Variants in LARP6 observed in about 807,000 individuals in gnomAD.
The protein encoded by LARP6 is La ribonucleoprotein 6, translational regulator.
Under a neutral mutation model 32.8 loss-of-function variants are expected in LARP6, and 18 were observed. The observed-to-expected ratio is 0.55, with a 90% CI of 0.38 to 0.81. The LOEUF is 0.81. LARP6 is among the 40% of genes least tolerant of loss of function. LARP6 has a pLI of 0.00. For missense variants in LARP6, 598 were observed against 663.1 expected, an observed-to-expected ratio of 0.90 and a Z score of 1.08; for synonymous variants, 289 against 267.2, an observed-to-expected ratio of 1.08 and a Z score of -0.80.
chr15:70,834,322 G>A (rs1056749550), intron 2 of LARP6, among the ~76,000 whole-genome samples: 1 of 152,124 alleles, frequency 6.6e-6, no homozygotes, highest in Non-Finnish European at 1.5e-5. Context: ...AGAAGAACAC[G>A]GGTCCAAGGG....
intron 1 of LARP6, among the ~76,000 whole-genome samples, chr15:70,843,649 C>CTT (rs67996815): frequency 0.026 from 2,125 of 80,678 alleles, no homozygotes; most frequent in East Asian, 0.032. Flanking sequence ...GTTTTGGTGT[C>CTT]TTTTTTTTTT....
intron 1 of LARP6, among the ~76,000 whole-genome samples, chr15:70,837,346 G>C (rs2032166125): frequency 6.6e-6 from 1 of 152,128 alleles, no homozygotes; most frequent in African/African-American, 2.4e-5. Context: ...TTGCACCACT[G>C]TACCCCAGAC....
chr15:70,842,589 C>T (rs1334962062), intron 1 of LARP6, among the ~76,000 whole-genome samples: 1 of 152,176 alleles, frequency 6.6e-6, no homozygotes, highest in Non-Finnish European at 1.5e-5. Flanking sequence ...CACAATCTAA[C>T]TTCTCACCTT....
intron 1 of LARP6, chr15:70,851,816 G>C: frequency 6.3e-7 from 1 of 1,578,540 alleles, no homozygotes; most frequent in Non-Finnish European, 8.6e-7. Flanking sequence ...AGGAAACACA[G>C]CCAGCTCTGG....
intron 1 of LARP6, among the ~76,000 whole-genome samples, chr15:70,838,893 T>C (rs2032197301): frequency 7.7e-6 from 1 of 130,298 alleles, no homozygotes; most frequent in East Asian, 2.4e-4. Context: ...AACAAAATTT[T>C]CACTGGCTCT....
In LARP6 at chr15:70,833,012, G is replaced by A. The variant is rs767552044; in HGVS notation, c.516C>T (p.Pro172=). ...EDHRKVRRTT[P]VPLFPNENLP... ...GGTTCTCGTTGGGGAACAGTGGGAC[G>A]GGGGTGGTCCTCCTCACCTTCCGGT... is the stretch of plus-strand genomic sequence containing the variant. Residue 172 remains proline (P), a synonymous_variant, in exon 3 of 3, where the codon CCC becomes CCT. Transcript: ENST00000299213. 81 of 1,613,354 alleles carry A rather than the reference G, an allele frequency of 5.0e-5. No homozygotes were observed. Among genetic ancestry groups the A allele is most frequent in the Middle Eastern group, 4.9e-4 (3 of 6,078 alleles).
intron 1 of LARP6, among the ~76,000 whole-genome samples, chr15:70,839,745 G>A (rs1210085003): frequency 6.6e-6 from 1 of 152,120 alleles, no homozygotes; most frequent in South Asian, 2.1e-4. Flanking sequence ...ACCACGCCCG[G>A]CTTTAATTGC....
rs760354354 is a variant in LARP6 at position 70,853,945 on chromosome 15, C to G, written c.144G>C (p.Arg48=). Residue 48 remains arginine, a synonymous_variant, in exon 1 of 3, where the codon CGG becomes CGC. Transcript: ENST00000299213. The part of the protein sequence containing the change: ...AETRGAGDPA[R]YLSPGWGSAS... ...CGCTGCCCCAGCCGGGGCTGAGGTACCGGGCCGGGTCCCCGGCGCCCCGAG... is the reference window on the plus strand; with the variant it reads ...CGCTGCCCCAGCCGGGGCTGAGGTAGCGGGCCGGGTCCCCGGCGCCCCGAG... The G allele has an allele frequency of 3.8e-5, 55 of 1,446,042 alleles. No homozygotes were observed. The African/African-American group carries it at 7.7e-4, about 20-fold the overall frequency. 89.6% of individuals were successfully genotyped at this position (1,446,042 alleles called of 1,614,324 possible).
At chr15:70,844,281 C>T (rs555452053) in intron 1 of LARP6, among the ~76,000 whole-genome samples, 1 of 152,238 alleles carries the variant, frequency 6.6e-6, no homozygotes, top group East Asian at 1.9e-4. Flanking sequence ...AAATAATATA[C>T]TTTAAGTGGT....
chr15:70,851,145 G>A (rs1386455776), intron 1 of LARP6, among the ~76,000 whole-genome samples: 1 of 152,156 alleles, frequency 6.6e-6, no homozygotes, highest in African/African-American at 2.4e-5. Flanking sequence ...AATAGTGTTA[G>A]GGCTTTATAG....
chr15:70,851,414 A>T, intron 1 of LARP6: 1 of 1,189,510 alleles, frequency 8.4e-7, no homozygotes, highest in African/African-American at 1.5e-5. Context: ...ATGTGGGGAG[A>T]TGATCAATAA....
At chr15:70,848,674 G>A (rs1481013253) in intron 1 of LARP6, among the ~76,000 whole-genome samples, 2 of 152,120 alleles carry the variant, frequency 1.3e-5, no homozygotes, top group Non-Finnish European at 2.9e-5. Flanking sequence ...GGAGGTTGCA[G>A]TGAGCCAAGA....
chr15:70,841,105 G>C (rs2032248856), intron 1 of LARP6, among the ~76,000 whole-genome samples: 1 of 151,602 alleles, frequency 6.6e-6, no homozygotes, highest in African/African-American at 2.4e-5. Flanking sequence ...AGTAGATACA[G>C]GGTTTCACCG....
In LARP6 at chr15:70,829,641, G is replaced by A. The variant is rs1358468102; in HGVS notation, c.*2411C>T. ...AGGAACATCTTCTTGTTATCCACTGGTTTGTGGGAAGAACTGTGAACCAAT... is the reference window on the plus strand; with the variant it reads ...AGGAACATCTTCTTGTTATCCACTGATTTGTGGGAAGAACTGTGAACCAAT... On this transcript the variant is annotated 3_prime_UTR_variant, in exon 3 of 3. Transcript: ENST00000299213. 6.6e-6 allele frequency: 1 copy of A among 152,182 alleles called. No individual in the cohort carries two copies. Among genetic ancestry groups the A allele is most frequent in the Admixed American group, 6.6e-5 (1 of 15,262 alleles). 9.4% of individuals were successfully genotyped at this position (152,182 alleles called of 1,614,324 possible).
chr15:70,852,449 T>G, intron 1 of LARP6: 1 of 269,946 alleles, frequency 3.7e-6, no homozygotes, highest in Non-Finnish European at 7.5e-6. Context: ...GCTTTAATCC[T>G]GGCTAATGAT....
rs533455010 is a variant in LARP6, at chr15:70,851,432, G to C, written c.200+2457C>G. The stretch of plus-strand genomic sequence containing the variant: ...TGGGGAGATGATCAATAACATTTTA[G>C]AGGCTGTAAAGACTTTTCTTTATTG... On this transcript the variant is annotated intron_variant, in intron 1 of 2. Transcript: ENST00000299213. 6.4e-6 allele frequency: 8 copies of C among 1,244,850 alleles called. No individual in the cohort carries two copies. The African/African-American group carries it at 9.0e-5, about 14-fold the overall frequency. 77.1% of individuals were successfully genotyped at this position (1,244,850 alleles called of 1,614,324 possible).
At chr15:70,853,113 A>G (rs1438909239) in intron 1 of LARP6, 1 of 152,226 alleles carries the variant, frequency 6.6e-6, no homozygotes, top group Non-Finnish European at 1.5e-5. Context: ...GGGCCTGGGC[A>G]TTAGTGGACA....
intron 1 of LARP6, among the ~76,000 whole-genome samples, chr15:70,839,948 G>T (rs1445574674): frequency 6.6e-6 from 1 of 152,114 alleles, no homozygotes; most frequent in African/African-American, 2.4e-5. Flanking sequence ...GGCATTATTG[G>T]CCCTGACATG....
At chr15:70,836,646 T>C (rs1009019661) in intron 1 of LARP6, 141 bp from the exon 2 acceptor site, 2 of 670,800 alleles carry the variant, frequency 3.0e-6, no homozygotes, top group East Asian at 5.4e-5. Flanking sequence ...TGCAATTAAT[T>C]AAGATGAGGT....
Sources: gnomAD v4.1 joint callset for allele counts (sites outside exome capture counted in the v4.1 genomes callset) on GRCh38, gnomAD v4.1.1 for gene constraint, MANE v1.5 for transcripts, NCBI Gene and HGNC (gene_info 2026-07-23, HGNC 2026-07-21) for gene names.